Variants in CUTC observed in about 807,000 individuals in gnomAD.
CUTC encodes the protein copper homeostasis protein cutC homolog.
A neutral mutation model predicts 36.2 loss-of-function variants in CUTC; 27 were observed. That is an observed-to-expected ratio of 0.75 (90% CI 0.55 to 1.03). The LOEUF (loss-of-function observed/expected upper bound fraction) is 1.03. Among genes scored for constraint, CUTC ranks in the 50% least tolerant of loss-of-function variants. The pLI, the probability that CUTC is intolerant of heterozygous loss-of-function variation, is 0.00. For missense variants in CUTC, 315 were observed against 343.5 expected, an observed-to-expected ratio of 0.92 and a Z score of 0.66; for synonymous variants, 114 against 118.3, an observed-to-expected ratio of 0.96 and a Z score of 0.24.
chr10:99,732,611 T>C, intron 1 of CUTC: 1 of 1,426,128 alleles, frequency 7.0e-7, no homozygotes. Context: ...ATGGCTCAGC[T>C]GTGGAGCCAA....
chr10:99,732,376 C>T lies in CUTC; in HGVS notation c.28C>T (p.Arg10Ter). The T allele has an allele frequency of 1.3e-6, 2 of 1,553,004 alleles. No individual in the cohort carries two copies. Among genetic ancestry groups the T allele is most frequent in the Non-Finnish European group, 1.7e-6 (2 of 1,148,114 alleles). ...GAAAAGGCAGGGGGCCTCCTCTGAG[C>T]GAAAACGAGCGCGGATACCGTCCGG... MKRQGASSERKRARIPSGKA... is the reference protein window; with the variant it reads MKRQGASSE Residue 10 changes from arginine to a stop codon, truncating the protein, a stop_gained, in exon 1 of 9, where the codon CGA becomes TGA. Transcript: ENST00000370476. LOFTEE classifies it high-confidence loss of function.
intron 2 of CUTC, among the ~76,000 whole-genome samples, chr10:99,738,082 G>GT (rs2037311321): frequency 6.6e-6 from 1 of 151,160 alleles, no homozygotes; most frequent in African/African-American, 2.4e-5. Flanking sequence ...GGAGGCGGAG[G>GT]TTGCGTGAGC....
rs386372234 is a variant in CUTC at position 99,755,380 on chromosome 10, G to GAA, written c.708-230_708-229dup. On this transcript the variant is annotated intron_variant, in intron 8 of 8. Coordinates refer to ENST00000370476, the MANE Select transcript of CUTC (RefSeq NM_015960.3). ...TGATACATGCCTGTAATTTAAAAAG[G>GAA]AAAAAAAAAAAAAAAAGGAAGCAAG... Among the ~76,000 whole-genome samples the GAA allele has an allele frequency of 9.9e-3, 1,203 of 121,980 alleles. 26 individuals carry two copies. The highest frequency in any genetic ancestry group is 0.027 in the African/African-American group (857 of 32,192). The allele number at this position is 121,980 out of a possible 152,430, so 80.0% of individuals were successfully genotyped here.
At chr10:99,751,669 C>A (rs1459476447) in intron 7 of CUTC, among the ~76,000 whole-genome samples, 1 of 152,122 alleles carries the variant, frequency 6.6e-6, no homozygotes, top group Non-Finnish European at 1.5e-5. Flanking sequence ...ACCAGCCTGG[C>A]CAACATGGTG....
chr10:99,740,637 C>T (rs1001025360), intron 3 of CUTC, among the ~76,000 whole-genome samples: 1 of 151,960 alleles, frequency 6.6e-6, no homozygotes, highest in African/African-American at 2.4e-5. Flanking sequence ...TGGACCTGTG[C>T]ATTTATACTT....
intron 5 of CUTC, among the ~76,000 whole-genome samples, chr10:99,746,838 A>G (rs192162685): frequency 2.0e-5 from 3 of 152,234 alleles, no homozygotes; most frequent in African/African-American, 7.2e-5. Context: ...CAATGGTGCA[A>G]TTGGCTCACT....
intron 2 of CUTC, 48 bp from the exon 3 acceptor site, chr10:99,739,662 A>G (rs766534836): frequency 1.3e-6 from 2 of 1,562,542 alleles, no homozygotes; most frequent in African/African-American, 1.4e-5. Flanking sequence ...GCTGTTTAAT[A>G]ACAGCTTATT....
chr10:99,735,657 C>T (rs1302879853), intron 1 of CUTC, among the ~76,000 whole-genome samples: 2 of 152,218 alleles, frequency 1.3e-5, no homozygotes, highest in African/African-American at 4.8e-5. Context: ...ATCCACCCAC[C>T]TCGGCCTCCC....
chr10:99,734,652 C>T (rs186352871), intron 1 of CUTC, among the ~76,000 whole-genome samples: 49 of 151,908 alleles, frequency 3.2e-4, no homozygotes, highest in Middle Eastern at 3.4e-3. Flanking sequence ...TATGTGCTCC[C>T]GGAAAAAAAC....
At chr10:99,739,997 GC>G (rs1302097813) in intron 3 of CUTC, among the ~76,000 whole-genome samples, 1 of 152,196 alleles carries the variant, frequency 6.6e-6, no homozygotes, top group African/African-American at 2.4e-5. Flanking sequence ...CGGTTCAGCT[GC>G]TCTGTAGTAA....
chr10:99,738,234 C>T (rs958680108), intron 2 of CUTC, among the ~76,000 whole-genome samples: 1 of 151,696 alleles, frequency 6.6e-6, no homozygotes, highest in African/African-American at 2.4e-5. Context: ...ATAAGAAATC[C>T]ATAAATAATG....
In CUTC at chr10:99,755,802, C is replaced by A; in HGVS notation, c.*63C>A. 9.4e-7 allele frequency: 1 copy of A among 1,065,842 alleles called. No homozygotes were observed. Among genetic ancestry groups the A allele is most frequent in the South Asian group, 1.3e-5 (1 of 75,588 alleles). 66.0% of individuals were successfully genotyped at this position (1,065,842 alleles called of 1,614,324 possible). Reference sequence around the variant, plus strand: ...AGGTAGAACTATAATCTGCAATTCTCTATGACACAGCTTTAACCTTCTTCT... The same window carrying A: ...AGGTAGAACTATAATCTGCAATTCTATATGACACAGCTTTAACCTTCTTCT... On this transcript the variant is annotated 3_prime_UTR_variant, in exon 9 of 9. Coordinates refer to ENST00000370476, the MANE Select transcript of CUTC (RefSeq NM_015960.3).
At chr10:99,743,520 G>A (rs565572045) in intron 4 of CUTC, among the ~76,000 whole-genome samples, 158 bp downstream of exon 4, 23 of 152,278 alleles carry the variant, frequency 1.5e-4, no homozygotes, top group African/African-American at 5.3e-4. Flanking sequence ...GATGTTTGGG[G>A]TGGGGTGTAT....
At chr10:99,747,565 A>G (rs981574722) in intron 6 of CUTC, 175 bp downstream of exon 6, 1 of 672,094 alleles carries the variant, frequency 1.5e-6, no homozygotes, top group African/African-American at 1.8e-5. Flanking sequence ...CCTTTTTAAT[A>G]ACCAAGGCTT....
chr10:99,732,866 T>C (rs2037232123), intron 1 of CUTC, among the ~76,000 whole-genome samples: 1 of 152,140 alleles, frequency 6.6e-6, no homozygotes, highest in Non-Finnish European at 1.5e-5. Context: ...GTGGCCGAGC[T>C]TGTGGCTGCT....
chr10:99,752,200 G>T (rs183120234), intron 7 of CUTC, among the ~76,000 whole-genome samples: 1 of 152,212 alleles, frequency 6.6e-6, no homozygotes, highest in Non-Finnish European at 1.5e-5. Context: ...GGGCAATATA[G>T]TAAGACACCA....
At chr10:99,748,824 A>G (rs2037397929) in intron 6 of CUTC, among the ~76,000 whole-genome samples, 1 of 152,240 alleles carries the variant, frequency 6.6e-6, no homozygotes, top group South Asian at 2.1e-4. Flanking sequence ...CATACAAAAC[A>G]AATAGTATAA....
chr10:99,732,627 G>T, intron 1 of CUTC: 1 of 1,420,344 alleles, frequency 7.0e-7, no homozygotes, highest in Non-Finnish European at 9.2e-7. Flanking sequence ...GCCAAGGTTC[G>T]AGTCCCGGGG....
intron 1 of CUTC, among the ~76,000 whole-genome samples, chr10:99,735,095 C>T (rs1319493839): frequency 1.1e-5 from 1 of 89,298 alleles, no homozygotes; most frequent in East Asian, 3.5e-4. Context: ...GAGCAAGACT[C>T]TGTATCAAAA....
Sources: allele counts gnomAD v4.1 joint callset (sites outside exome capture counted in the v4.1 genomes callset), GRCh38; gene constraint gnomAD v4.1.1; transcripts MANE v1.5; gene names NCBI Gene and HGNC (gene_info 2026-07-23, HGNC 2026-07-21).